Variants in LATS1 observed in about 807,000 individuals in gnomAD.
The protein encoded by LATS1 is large tumor suppressor kinase 1, also known as serine/threonine-protein kinase LATS1.
Under a neutral mutation model 106.6 loss-of-function variants are expected in LATS1, and 25 were observed. That is an observed-to-expected ratio of 0.23 (90% CI 0.17 to 0.33). The LOEUF (loss-of-function observed/expected upper bound fraction) is 0.33. Among genes scored for constraint, LATS1 ranks in the 10% least tolerant of loss-of-function variants. The pLI is 1.00. For missense variants in LATS1, 1,040 were observed against 1,382.6 expected (o/e 0.75, Z 3.93); for synonymous variants, 465 against 455.6 (o/e 1.02, Z -0.26).
rs187263658 is a variant in LATS1, at chr6:149,713,363, C to T, written c.-141+4486G>A. ...AGGCTGGAGTGCAATGGTGCCATCT[C>T]GGCTCACTGCAACCTCTGCCTCCCG... On this transcript the variant is annotated intron_variant, in intron 1 of 7. Transcript: ENST00000543571. Among the ~76,000 whole-genome samples, 325 of 151,856 alleles carry T rather than the reference C, an allele frequency of 2.1e-3. 1 individual carries two copies. The highest frequency in any genetic ancestry group is 7.6e-3 in the African/African-American group (313 of 41,398).
At position 149,660,944 on chromosome 6, in the gene LATS1, T is replaced by C. The variant is rs1480482681; in HGVS notation, c.*785A>G. On this transcript the variant is annotated 3_prime_UTR_variant, in exon 8 of 8. Coordinates refer to ENST00000543571, the MANE Select transcript of LATS1 (RefSeq NM_004690.4). ...GTGAGAAATATTTTAGCTTTTAGTA[T>C]TGAACATTTCGATTTATGGCAGCTT... 4.7e-6 allele frequency: 1 copy of C among 211,852 alleles called. No individual in the cohort carries two copies. Among genetic ancestry groups the C allele is most frequent in the Non-Finnish European group, 9.6e-6 (1 of 104,464 alleles). The allele number at this position is 211,852 out of a possible 1,614,324, so 13.1% of individuals were successfully genotyped here.
In LATS1 at chr6:149,695,193, G is replaced by T; in HGVS notation, c.377C>A (p.Thr126Asn). 1 of 1,605,220 alleles carries T rather than the reference G, an allele frequency of 6.2e-7. No individual in the cohort carries two copies. Among genetic ancestry groups the T allele is most frequent in the Non-Finnish European group, 8.5e-7 (1 of 1,174,090 alleles). The stretch of plus-strand genomic sequence containing the variant: ...TGCTGCTTCTATACTTCTGTTGTTA[G>T]TTTTCTGAAGAGCTTGTATAACCAT... ...EDMVIQALQK[T>N]NNRSIEAAIE... The change falls in exon 3 of 8, where the codon ACT becomes AAT. Residue 126 changes from threonine to asparagine, a missense_variant. Transcript: ENST00000543571.
At chr6:149,676,863 T>C (rs1461479529) in intron 5 of LATS1, 126 bp from the exon 6 acceptor site, 24 of 770,750 alleles carry the variant, frequency 3.1e-5, no homozygotes, top group Non-Finnish European at 4.9e-5. Context: ...TAAGACACAA[T>C]GTATGCCAAA....
chr6:149,680,179 T>C lies in LATS1; in HGVS notation c.2289A>G (p.Glu763=). The part of the protein sequence containing the change: ...ERDILAEADN[E]WVVRLYYSFQ... ...ATGAATAATATAGACGAACTACCCATTCATTGTCAGCTTCAGCCAGGATAT... is the reference window on the plus strand; with the variant it reads ...ATGAATAATATAGACGAACTACCCACTCATTGTCAGCTTCAGCCAGGATAT... The change falls in exon 5 of 8, where the codon GAA becomes GAG. Residue 763 remains glutamate (E), a synonymous_variant. Coordinates refer to ENST00000543571, the MANE Select transcript of LATS1 (RefSeq NM_004690.4). 2 of 1,614,144 alleles carry C rather than the reference T, an allele frequency of 1.2e-6. No individual in the cohort carries two copies. The highest frequency in any genetic ancestry group is 1.7e-6 in the Non-Finnish European group (2 of 1,179,994).
rs1307997413 is a variant in LATS1, at chr6:149,659,216, C to T, written c.*2513G>A. 2 of 178,840 alleles carry T rather than the reference C, an allele frequency of 1.1e-5. No individual in the cohort carries two copies. The highest frequency in any genetic ancestry group is 4.7e-5 in the African/African-American group (2 of 42,308). 11.1% of individuals were successfully genotyped at this position (178,840 alleles called of 1,614,324 possible). A position where few individuals can be genotyped will look rare whatever the true frequency, so the allele number is the denominator to read the frequency against. On this transcript the variant is annotated 3_prime_UTR_variant, in exon 8 of 8. Transcript: ENST00000543571. ...GGCGCGGTGGGTCACGTCTGTAATC[C>T]CAGCACTTTGGGAGGCTGAGGTGGG...
At chr6:149,663,627 T>C (rs1477424027) in intron 7 of LATS1, among the ~76,000 whole-genome samples, 2 of 152,204 alleles carry the variant, frequency 1.3e-5, no homozygotes, top group East Asian at 1.9e-4. Context: ...CCCTCGTCTA[T>C]TATTTGTTCC....
intron 7 of LATS1, among the ~76,000 whole-genome samples, chr6:149,675,310 C>T (rs1033090813): frequency 1.3e-5 from 2 of 151,842 alleles, no homozygotes; most frequent in African/African-American, 2.4e-5. Flanking sequence ...TAGGACATTC[C>T]AGACAGAGGG....
intron 3 of LATS1, among the ~76,000 whole-genome samples, chr6:149,688,097 G>T (rs950595031): frequency 6.7e-6 from 1 of 149,220 alleles, no homozygotes; most frequent in African/African-American, 2.5e-5. Flanking sequence ...GGATGGTCTC[G>T]ATCTCCTGAC....
chr6:149,687,680 T>G (rs2114851549), intron 3 of LATS1, among the ~76,000 whole-genome samples: 1 of 151,942 alleles, frequency 6.6e-6, no homozygotes, highest in African/African-American at 2.4e-5. Context: ...TGATCCTCCT[T>G]CCTCAGCCTC....
chr6:149,688,066 A>G (rs567275370), intron 3 of LATS1, among the ~76,000 whole-genome samples: 23 of 149,504 alleles, frequency 1.5e-4, no homozygotes, highest in Non-Finnish European at 1.5e-4. Flanking sequence ...TAGTAGAGAC[A>G]GGGTTTCACC....
intron 3 of LATS1, among the ~76,000 whole-genome samples, chr6:149,689,990 C>T (rs1037061877): frequency 2.0e-5 from 3 of 150,932 alleles, no homozygotes; most frequent in Admixed American, 1.3e-4. Flanking sequence ...AAAAATAAGA[C>T]TCTCCTTCCA....
At chr6:149,692,821 C>T (rs9393173) in intron 3 of LATS1, among the ~76,000 whole-genome samples, 60,928 of 151,638 alleles carry the variant, frequency 0.4, 13,124 homozygotes, top group East Asian at 0.81. Context: ...ATTAGAGACA[C>T]GCGCCACCAC....
At chr6:149,692,863 G>A (rs758339103) in intron 3 of LATS1, among the ~76,000 whole-genome samples, 2 of 151,798 alleles carry the variant, frequency 1.3e-5, no homozygotes, top group African/African-American at 4.8e-5. Context: ...TAGTAGAGAC[G>A]AGGTTTCTTC....
chr6:149,703,414 C>T (rs566859970), intron 1 of LATS1, among the ~76,000 whole-genome samples: 1 of 152,306 alleles, frequency 6.6e-6, no homozygotes, highest in Non-Finnish European at 1.5e-5. Context: ...TCATGTCGAA[C>T]TTTAGTCCCC....
At position 149,661,809 on chromosome 6, in the gene LATS1, G is replaced by A; in HGVS notation, c.3313C>T (p.Gln1105Ter). The change falls in exon 8 of 8, where the codon CAA becomes TAA. Residue 1105 changes from glutamine to a stop codon, truncating the protein, a stop_gained. Transcript: ENST00000543571. LOFTEE classifies it high-confidence loss of function. ...TCATCCGACTGCTGCTCTGAGCCTTGTGAATTAATGTATTCATATTCAATA... is the reference window on the plus strand; with the variant it reads ...TCATCCGACTGCTGCTCTGAGCCTTATGAATTAATGTATTCATATTCAATA... ...KPIEYEYINS[Q>*]GSEQQSDEDD... is the part of the protein sequence containing the mutation. 1.2e-6 allele frequency: 2 copies of A among 1,611,352 alleles called. No individual in the cohort carries two copies. Among genetic ancestry groups the A allele is most frequent in the Non-Finnish European group, 8.5e-7 (1 of 1,179,042 alleles).
chr6:149,687,072 T>G (rs911684766), intron 3 of LATS1, among the ~76,000 whole-genome samples: 8 of 150,672 alleles, frequency 5.3e-5, no homozygotes, highest in African/African-American at 1.9e-4. Flanking sequence ...AGTAGCAACC[T>G]CACCAAGATC....
chr6:149,677,217 T>C (rs1215463777), intron 5 of LATS1, among the ~76,000 whole-genome samples: 2 of 152,158 alleles, frequency 1.3e-5, no homozygotes, highest in African/African-American at 4.8e-5. Context: ...ATGTAACAAA[T>C]GTGACTGGAT....
At chr6:149,696,872 C>G (rs1783122767) in intron 2 of LATS1, among the ~76,000 whole-genome samples, 1 of 152,120 alleles carries the variant, frequency 6.6e-6, no homozygotes. Flanking sequence ...AATTATTTCA[C>G]ATTTCAGAGG....
chr6:149,682,801 T>C (rs1469147514), intron 4 of LATS1: 2 of 378,242 alleles, frequency 5.3e-6, no homozygotes, highest in East Asian at 4.5e-5. Context: ...AATTTTCATA[T>C]AAAGGTATTA....
Sources: allele counts gnomAD v4.1 joint callset (sites outside exome capture counted in the v4.1 genomes callset), GRCh38; gene constraint gnomAD v4.1.1; transcripts MANE v1.5; gene names NCBI Gene and HGNC (gene_info 2026-07-23, HGNC 2026-07-21).